CRY2: variants seen among roughly 807,000 people sequenced by gnomAD.
CRY2 encodes cryptochrome-2.
In CRY2, 31 loss-of-function variants were observed where a neutral mutation model predicts 69.5. That is an observed-to-expected ratio of 0.45 (90% CI 0.34 to 0.60). The LOEUF is 0.60. CRY2 is among the 20% of genes least tolerant of loss of function. CRY2 has a pLI of 0.02. For missense variants in CRY2, 606 were observed against 797.8 expected (o/e 0.76, Z 2.90); for synonymous variants, 303 against 312.2 (o/e 0.97, Z 0.31).
intron 11 of CRY2, among the ~76,000 whole-genome samples, chr11:45,880,672 G>A (rs2086464590): frequency 3.3e-5 from 5 of 152,210 alleles, no homozygotes. Flanking sequence ...GCAGCCCTGG[G>A]TGGAGGGCCT....
rs991582186 is a variant in CRY2 at position 45,881,481 on chromosome 11, T to TA, written c.*570_*571insA. ...CTGGCCTCTGTTTCTTATTTTAAAATTCTCTGCTACTGGGCTCAGTCCCAG... is the reference window on the plus strand; with the variant it reads ...CTGGCCTCTGTTTCTTATTTTAAAATATCTCTGCTACTGGGCTCAGTCCCAG... On this transcript the variant is annotated 3_prime_UTR_variant, in exon 12 of 12. Transcript: ENST00000616080. 2 of 152,428 alleles carry TA rather than the reference T, an allele frequency of 1.3e-5. No individual in the cohort carries two copies. Among genetic ancestry groups the TA allele is most frequent in the African/African-American group, 2.4e-5 (1 of 41,438 alleles). 9.4% of individuals were successfully genotyped at this position (152,428 alleles called of 1,614,324 possible).
At chr11:45,847,450 A>T, upstream of CRY2, 1 of 1,594,638 alleles carries the variant, frequency 6.3e-7, no homozygotes. Flanking sequence ...CACGTCGCCT[A>T]CCGGGGCGGA....
At chr11:45,859,433 A>G (rs751058471) in intron 3 of CRY2, among the ~76,000 whole-genome samples, 1 of 152,048 alleles carries the variant, frequency 6.6e-6, no homozygotes, top group African/African-American at 2.4e-5. Context: ...ATGGTGGGAC[A>G]TGCCTGTAGT....
In CRY2 at chr11:45,850,937, C is replaced by G. The variant is rs560948424; in HGVS notation, c.215+3232C>G. 2.0e-5 allele frequency among the ~76,000 whole-genome samples: 3 copies of G among 151,994 alleles called. No individual in the cohort carries two copies. In the East Asian group the frequency reaches 5.8e-4, roughly 29 times the overall value. ...CAGAGAAATGCAACCAAGAAATACA[C>G]ATATTGATTAGCAAGAAGAAGCCTA... On this transcript the variant is annotated intron_variant, in intron 1 of 11. Coordinates refer to ENST00000616080, the MANE Select transcript of CRY2 (RefSeq NM_021117.5).
intron 11 of CRY2, among the ~76,000 whole-genome samples, chr11:45,875,604 G>T (rs563908293): frequency 6.6e-6 from 1 of 152,290 alleles, no homozygotes; most frequent in African/African-American, 2.4e-5. Context: ...GGTTTACTCT[G>T]CCCTCCACTG....
chr11:45,867,961 T>C, intron 6 of CRY2: 1 of 610,980 alleles, frequency 1.6e-6, no homozygotes, highest in Non-Finnish European at 2.8e-6. Flanking sequence ...CCCACCAGAA[T>C]GAAGCCCAGA....
chr11:45,871,547 G>A (rs939499910), intron 10 of CRY2, among the ~76,000 whole-genome samples: 5 of 152,174 alleles, frequency 3.3e-5, no homozygotes, highest in African/African-American at 9.7e-5. Flanking sequence ...AGGCCGGAGC[G>A]GGCACAGGGA....
At position 45,882,240 on chromosome 11, in the gene CRY2, T is replaced by C. The variant is rs2086479190; in HGVS notation, c.*1329T>C. On this transcript the variant is annotated 3_prime_UTR_variant, in exon 12 of 12. Coordinates refer to ENST00000616080, the MANE Select transcript of CRY2 (RefSeq NM_021117.5). ...ACTAAAGCAAGTCTTCCTTCCACCC[T>C]GTGGCCTGCACTTGAGCCACAAAGT... The C allele has an allele frequency of 1.1e-5, 2 of 179,676 alleles. No individual in the cohort carries two copies. The highest frequency in any genetic ancestry group is 2.3e-5 in the Non-Finnish European group (2 of 86,258). 11.1% of individuals were successfully genotyped at this position (179,676 alleles called of 1,614,324 possible).
chr11:45,869,794 G>A lies in CRY2; in HGVS notation c.1171G>A (p.Val391Ile). 1 of 1,609,706 alleles carries A rather than the reference G, an allele frequency of 6.2e-7. No individual in the cohort carries two copies. Among genetic ancestry groups the A allele is most frequent in the Non-Finnish European group, 8.5e-7 (1 of 1,176,718 alleles). The change falls in exon 7 of 12, where the codon GTC becomes ATC. Residue 391 changes from valine to isoleucine, a missense_variant. Val to Ile is a conservative substitution (Grantham distance 29, BLOSUM62 3). Around this residue, in one of 5 missense-constraint regions of CRY2, gnomAD observed 382 missense variants for 508.9 expected, o/e 0.75. Coordinates refer to ENST00000616080, the MANE Select transcript of CRY2 (RefSeq NM_021117.5). ...CTTCCTGACCCGCGGGGACCTCTGGGTCAGCTGGGAGAGCGGGGTCCGGGT... is the reference window on the plus strand; with the variant it reads ...CTTCCTGACCCGCGGGGACCTCTGGATCAGCTGGGAGAGCGGGGTCCGGGT... ...ACFLTRGDLW[V>I]SWESGVRVFD...
chr11:45,861,226 T>C (rs1466949963), intron 4 of CRY2, 194 bp downstream of exon 4: 1 of 618,648 alleles, frequency 1.6e-6, no homozygotes, highest in Non-Finnish European at 2.8e-6. Flanking sequence ...CTAGTATTTG[T>C]TCTGTTCATA....
intron 11 of CRY2, among the ~76,000 whole-genome samples, chr11:45,877,883 C>T (rs1276520895): frequency 6.6e-6 from 1 of 152,184 alleles, no homozygotes; most frequent in South Asian, 2.1e-4. Flanking sequence ...GCTTTGTAGG[C>T]GAGGCCAAGT....
Position 45,856,066 on chromosome 11 carries a change from CGA to C in CRY2, c.301_302del (p.Asp101ArgfsTer17). On this transcript the variant is annotated frameshift_variant, in exon 2 of 12. Transcript: ENST00000616080. LOFTEE classifies it high-confidence loss of function. ...RLFVVRGQPA[D>X]VFPRLFKEWG... Reference sequence around the variant, plus strand: ...TGTTTGTAGTCCGGGGACAGCCAGCCGACGTGTTCCCAAGGCTGTTCAAGGTA... The same window carrying C: ...TGTTTGTAGTCCGGGGACAGCCAGCCCGTGTTCCCAAGGCTGTTCAAGGTA... 6.2e-7 allele frequency: 1 copy of C among 1,614,114 alleles called. No individual in the cohort carries two copies. The highest frequency in any genetic ancestry group is 8.5e-7 in the Non-Finnish European group (1 of 1,180,004).
At chr11:45,858,119 T>C (rs1378556067) in intron 2 of CRY2, among the ~76,000 whole-genome samples, 1 of 152,218 alleles carries the variant, frequency 6.6e-6, no homozygotes, top group Non-Finnish European at 1.5e-5. Flanking sequence ...AGGAAAGAAC[T>C]TCCTCCTTTT....
chr11:45,871,377 G>C (rs2086380755), intron 10 of CRY2, among the ~76,000 whole-genome samples: 1 of 152,158 alleles, frequency 6.6e-6, no homozygotes. Context: ...AATGAGATGA[G>C]GACAAGATAC....
chr11:45,866,123 A>G (rs2086328877), intron 5 of CRY2, among the ~76,000 whole-genome samples: 1 of 152,248 alleles, frequency 6.6e-6, no homozygotes, highest in African/African-American at 2.4e-5. Context: ...CTAGGTAGCT[A>G]GCAGTGTATT....
At chr11:45,867,853 G>C (rs1020836276) in intron 6 of CRY2, 101 bp downstream of exon 6, 2 of 1,516,414 alleles carry the variant, frequency 1.3e-6, no homozygotes, top group African/African-American at 2.8e-5. Context: ...TGGGGGTTGG[G>C]CTATGGCCCC....
At chr11:45,865,843 A>G (rs2086326618) in intron 5 of CRY2, among the ~76,000 whole-genome samples, 1 of 152,234 alleles carries the variant, frequency 6.6e-6, no homozygotes, top group Admixed American at 6.5e-5. Flanking sequence ...AGCAACAGGA[A>G]GCCCACTGTG....
intron 11 of CRY2, among the ~76,000 whole-genome samples, chr11:45,878,067 C>A (rs1282362627): frequency 1.3e-5 from 2 of 152,234 alleles, no homozygotes; most frequent in East Asian, 3.8e-4. Flanking sequence ...TTATATCCAC[C>A]TGACTGTACC....
intron 5 of CRY2, among the ~76,000 whole-genome samples, chr11:45,866,812 T>C (rs1197346874): frequency 6.6e-6 from 1 of 152,070 alleles, no homozygotes; most frequent in Non-Finnish European, 1.5e-5. Flanking sequence ...CCGGGCACAG[T>C]GGCTCACACC....
Sources: gnomAD v4.1 joint callset for allele counts (sites outside exome capture counted in the v4.1 genomes callset) on GRCh38, gnomAD v4.1.1 for gene constraint, gnomAD v4.1.1 regional missense constraint, MANE v1.5 for transcripts, NCBI Gene and HGNC (gene_info 2026-07-23, HGNC 2026-07-21) for gene names.